The following SPG7 variants were observed in gnomAD, a reference collection of about 807,000 sequenced individuals.
SPG7 encodes the protein mitochondrial inner membrane m-AAA protease component paraplegin.
SPG7 carries 103 observed loss-of-function variants against 81.9 expected under a neutral mutation model. The observed-to-expected ratio is 1.26, with a 90% confidence interval of 1.07 to 1.48. The LOEUF (loss-of-function observed/expected upper bound fraction) is 1.48. Among genes scored for constraint, SPG7 ranks in the 40% most tolerant of loss-of-function variants. SPG7 has a pLI of 0.00. For missense variants in SPG7, 1,241 were observed against 1,087.3 expected (o/e 1.14, Z -1.99); for synonymous variants, 534 against 444.2 (o/e 1.20, Z -2.54).
intron 11 of SPG7, chr16:89,547,161 G>T: frequency 7.9e-6 from 2 of 253,144 alleles, no homozygotes; most frequent in South Asian, 9.5e-5. Flanking sequence ...CATACCTCAA[G>T]ATGCTTTTCC....
Position 89,524,035 on chromosome 16 carries a change from C to T in SPG7, c.406C>T (p.Gln136Ter), listed in dbSNP as rs1044368411. Reference sequence around the variant, plus strand: ...GAGGAGACGCCGTGAGCGGGACGACCAGATGTACCGAGAGCGGCTGCGCAC... The same window carrying T: ...GAGGAGACGCCGTGAGCGGGACGACTAGATGTACCGAGAGCGGCTGCGCAC... ...EERRRRERDDQMYRERLRTLL... is the reference protein window; with the variant it reads ...EERRRRERDD The change falls in exon 4 of 17, where the codon CAG becomes TAG. Residue 136 changes from glutamine to a stop codon, truncating the protein, a stop_gained. Transcript: ENST00000645818. LOFTEE classifies it high-confidence loss of function. 1 of 1,613,430 alleles carries T rather than the reference C, an allele frequency of 6.2e-7. No homozygotes were observed. The highest frequency in any genetic ancestry group is 8.5e-7 in the Non-Finnish European group (1 of 1,180,042).
chr16:89,523,934 G>A, intron 3 of SPG7, 72 bp from the exon 4 acceptor site: 1 of 1,593,176 alleles, frequency 6.3e-7, no homozygotes, highest in Non-Finnish European at 8.5e-7. Context: ...GCTTTCCTGA[G>A]GAAGCTCTGG....
intron 16 of SPG7, chr16:89,555,838 T>C (rs2058682447): frequency 1.0e-5 from 4 of 398,540 alleles, no homozygotes; most frequent in Admixed American, 4.4e-5. Context: ...AGGCAGTGGA[T>C]AGGTAGTTGT....
chr16:89,550,164 C>A (rs958121358), intron 12 of SPG7: 7 of 359,212 alleles, frequency 1.9e-5, no homozygotes, highest in East Asian at 7.2e-5. Context: ...AGCTCACCCC[C>A]CCGTCATTCT....
At chr16:89,555,879 G>A (rs1363949772) in intron 16 of SPG7, 2 of 398,756 alleles carry the variant, frequency 5.0e-6, no homozygotes, top group East Asian at 3.6e-5. Flanking sequence ...TCTTTCAAGC[G>A]AGCACTGTGT....
intron 1 of SPG7, chr16:89,509,033 C>T (rs2057974862): frequency 2.2e-6 from 1 of 448,486 alleles, no homozygotes. Flanking sequence ...TTTCTGTGTC[C>T]GCAAAATACC....
intron 9 of SPG7, chr16:89,544,158 G>C (rs2058534638): frequency 4.2e-6 from 1 of 235,854 alleles, no homozygotes; most frequent in Non-Finnish European, 8.5e-6. Flanking sequence ...AGGGATCAGT[G>C]ATCGTTTCTG....
Position 89,556,918 on chromosome 16 carries a change from T to TA in SPG7, c.2216dup (p.Asn739LysfsTer3), listed in dbSNP as rs763126378. 3.1e-6 allele frequency: 5 copies of TA among 1,613,898 alleles called. No homozygotes were observed. Among genetic ancestry groups the TA allele is most frequent in the Admixed American group, 1.7e-5 (1 of 60,002 alleles). On this transcript the variant is annotated frameshift_variant, in exon 17 of 17. Coordinates refer to ENST00000645818, the MANE Select transcript of SPG7 (RefSeq NM_003119.4). LOFTEE classifies it low-confidence loss of function (END_TRUNC). ...AACGCCCTTCTGGAAAAGGAAGTGA[T>TA]AAACTATGAGGACATTGAGGCTCTC...
At chr16:89,522,046 G>A (rs1198925746) in intron 3 of SPG7, 4 of 152,206 alleles carry the variant, frequency 2.6e-5, no homozygotes, top group African/African-American at 7.2e-5. Flanking sequence ...AATATTGGAA[G>A]TAGTTTCTAA....
At chr16:89,513,804 A>G (rs894108405) in intron 3 of SPG7, among the ~76,000 whole-genome samples, 4 of 152,246 alleles carry the variant, frequency 2.6e-5, no homozygotes, top group Non-Finnish European at 4.4e-5. Flanking sequence ...CTTTCTAGAA[A>G]GGCACCTGGC....
rs749955346 is a variant in SPG7, at chr16:89,546,652, T to C, written c.1450-6T>C. ...CCGACTGTCTTTCCTCCCCTGGTTC[T>C]GGCAGGAGAGGCGGGAGATTTTTGA... On this transcript the variant is annotated splice_polypyrimidine_tract_variant and splice_region_variant and intron_variant, in intron 10 of 16. Transcript: ENST00000645818. The C allele has an allele frequency of 1.9e-6, 3 of 1,602,638 alleles. No homozygotes were observed. The highest frequency in any genetic ancestry group is 1.7e-5 in the Admixed American group (1 of 59,936).
intron 15 of SPG7, 65 bp from the exon 16 acceptor site, chr16:89,554,421 T>C (rs996187939): frequency 4.4e-6 from 5 of 1,125,568 alleles, no homozygotes; most frequent in Non-Finnish European, 6.6e-6. Context: ...CCATTTCTTT[T>C]CTGTGCTTTG....
At chr16:89,515,603 G>A (rs1015402928) in intron 3 of SPG7, among the ~76,000 whole-genome samples, 7 of 149,336 alleles carry the variant, frequency 4.7e-5, no homozygotes, top group African/African-American at 9.8e-5. Flanking sequence ...GGGTAGGTGC[G>A]GTGGCTCACA....
intron 3 of SPG7, chr16:89,520,286 G>T (rs1301055834): frequency 6.5e-6 from 1 of 154,860 alleles, no homozygotes; most frequent in Non-Finnish European, 1.4e-5. Context: ...GAAGGGACGC[G>T]CTGGGCGTTT....
intron 13 of SPG7, chr16:89,552,627 T>G: frequency 2.8e-6 from 1 of 359,022 alleles, no homozygotes; most frequent in Non-Finnish European, 5.4e-6. Context: ...CTCTGAACCC[T>G]CAGTAGCTGT....
At chr16:89,555,989 G>A (rs945031131) in intron 16 of SPG7, 31 of 398,692 alleles carry the variant, frequency 7.8e-5, no homozygotes, top group Non-Finnish European at 1.2e-4. Context: ...GGCTGAAGCA[G>A]GCCTGCCTGT....
chr16:89,541,099 C>T (rs1034011856), intron 9 of SPG7: 3 of 979,906 alleles, frequency 3.1e-6, no homozygotes, highest in South Asian at 4.7e-5. Context: ...CGGTGTTGTA[C>T]GCAGAAATAG....
chr16:89,552,937 G>A (rs752878152), intron 13 of SPG7, 42 bp from the exon 14 acceptor site: 58 of 1,607,198 alleles, frequency 3.6e-5, no homozygotes, highest in Non-Finnish European at 4.7e-5. Context: ...CAAAGCCCAC[G>A]CATCCTGCCT....
At position 89,552,703 on chromosome 16, in the gene SPG7, C is replaced by T. The variant is rs554684037; in HGVS notation, c.1780-276C>T. 29 of 472,336 alleles carry T rather than the reference C, an allele frequency of 6.1e-5. No individual in the cohort carries two copies. The East Asian group carries it at 1.2e-3, about 20-fold the overall frequency. 29.3% of individuals were successfully genotyped at this position (472,336 alleles called of 1,614,324 possible). On this transcript the variant is annotated intron_variant, in intron 13 of 16. Transcript: ENST00000645818. ...AACTTGTCCTTCGCCTCTCAGCTGT[C>T]TTCTACGGGCCTTGTCTTCTTGACT...
Sources: allele counts gnomAD v4.1 joint callset (sites outside exome capture counted in the v4.1 genomes callset), GRCh38; gene constraint gnomAD v4.1.1; transcripts MANE v1.5; gene names NCBI Gene and HGNC (gene_info 2026-07-23, HGNC 2026-07-21).